Variants in EVPL observed in about 807,000 individuals in gnomAD.
EVPL encodes envoplakin, also known as 210 kDa cornified envelope precursor protein.
A neutral mutation model predicts 129.7 loss-of-function variants in EVPL; 94 were observed. That is an observed-to-expected ratio of 0.72 (90% CI 0.61 to 0.86). EVPL has a LOEUF of 0.86. EVPL is among the 40% of genes least tolerant of loss of function. The pLI is 0.00. For synonymous variants in EVPL, 1,172 were observed against 1,191.1 expected (o/e 0.98, Z 0.33); for missense variants, 2,625 against 2,721.1 (o/e 0.96, Z 0.79).
In EVPL at chr17:76,015,080, C is replaced by T. The variant is rs1430999892; in HGVS notation, c.2058G>A (p.Gln686=). ...CGCGGTGTAGCCGCAGCACGCAGGT[C>T]TGCTGTTCCAGCAGCTCCCTCCGCT... ...QRQRRELLEQ[Q]TCVLRLHRAL... The change falls in exon 17 of 22, where the codon CAG becomes CAA. Residue 686 remains glutamine (Q), a synonymous_variant. Coordinates refer to ENST00000301607, the MANE Select transcript of EVPL (RefSeq NM_001988.4). 4 of 1,578,104 alleles carry T rather than the reference C, an allele frequency of 2.5e-6. No individual in the cohort carries two copies. The highest frequency in any genetic ancestry group is 2.7e-5 in the African/African-American group (2 of 74,498).
chr17:76,026,429 G>C (rs1421774303), intron 1 of EVPL, among the ~76,000 whole-genome samples: 1 of 152,080 alleles, frequency 6.6e-6, no homozygotes, highest in Non-Finnish European at 1.5e-5. Context: ...TGTCCAGGCT[G>C]GTCTCGAGCT....
chr17:76,027,148 G>C lies in EVPL; in HGVS notation c.51C>G (p.Gly17=). 1 of 1,571,184 alleles carries C rather than the reference G, an allele frequency of 6.4e-7. No individual in the cohort carries two copies. Among genetic ancestry groups the C allele is most frequent in the Middle Eastern group, 2.3e-4 (1 of 4,318 alleles). The change falls in exon 1 of 22, where the codon GGC becomes GGG. Residue 17 remains glycine (G), a synonymous_variant. Transcript: ENST00000301607. ...KGSQGKGSPK[G]SPAKGSPKGS... ...CTTTGGGGGACCCCTTGGCGGGGGA[G>C]CCCTTGGGGGACCCCTTCCCCTGGG... is the stretch of plus-strand genomic sequence containing the variant.
chr17:76,015,152 G>C (rs766826226), intron 16 of EVPL, 43 bp from the exon 17 acceptor site: 2 of 1,560,184 alleles, frequency 1.3e-6, no homozygotes, highest in Non-Finnish European at 1.7e-6. Context: ...CGTGGCTGGG[G>C]AGACGCCGTG....
At chr17:76,019,778 C>T (rs1382223646) in intron 9 of EVPL, 125 bp from the exon 10 acceptor site, 2 of 1,216,108 alleles carry the variant, frequency 1.6e-6, no homozygotes, top group Non-Finnish European at 2.2e-6. Context: ...AAACACAAAC[C>T]AGCTAAACAC....
intron 2 of EVPL, 92 bp downstream of exon 2, chr17:76,023,929 C>A (rs2066481458): frequency 2.0e-6 from 3 of 1,477,862 alleles, no homozygotes; most frequent in East Asian, 4.9e-5. Context: ...TTCACCATCA[C>A]CAAGGGGCAC....
chr17:76,011,382 G>A (rs901921843), intron 21 of EVPL, 194 bp downstream of exon 21: 1 of 613,648 alleles, frequency 1.6e-6, no homozygotes, highest in African/African-American at 1.8e-5. Context: ...CAGCCTGTAA[G>A]AGCTGCTGGA....
Position 76,011,841 on chromosome 17 carries a change from C to G in EVPL, c.2499G>C (p.Glu833Asp), listed in dbSNP as rs1438990264. 1.2e-6 allele frequency: 2 copies of G among 1,613,162 alleles called. No individual in the cohort carries two copies. Among genetic ancestry groups the G allele is most frequent in the Admixed American group, 1.7e-5 (1 of 59,702 alleles). Residue 833 changes from glutamate to aspartate, a missense_variant, in exon 20 of 22, where the codon GAG becomes GAC. Physicochemically the swap from Glu to Asp is conservative, Grantham distance 45. Transcript: ENST00000301607. ...LQADTYRCSL[E>D]PTLAVSAPKR... ...TGGGGGCTGACACTGCCAGGGTGGG[C>G]TCCAAAGAGCAGCGGTAGGTGTCTG...
In EVPL at chr17:76,013,603, TC is replaced by T. The variant is rs1249352321; in HGVS notation, c.2373+822del. 6.6e-6 allele frequency among the ~76,000 whole-genome samples: 1 copy of T among 152,020 alleles called. No individual in the cohort carries two copies. The highest frequency in any genetic ancestry group is 1.5e-5 in the Non-Finnish European group (1 of 67,998). On this transcript the variant is annotated intron_variant, in intron 18 of 21. Transcript: ENST00000301607. The surrounding 1 kb of genome is among the most constrained non-coding windows in gnomAD (Gnocchi z 4.3). ...CGGGCCCCGTCCATCTCACTCACTG[TC>T]CCCTTCAAGCAGTCACCAAGTCCAC... is the stretch of plus-strand genomic sequence containing the variant.
rs9913955 is a variant in EVPL at position 76,023,777 on chromosome 17, G to A, written c.199-123C>T. 8.6e-4 allele frequency: 1,215 copies of A among 1,419,258 alleles called. 18 individuals carry two copies. In the African/African-American group the frequency reaches 0.015, roughly 17 times the overall value. 87.9% of individuals were successfully genotyped at this position (1,419,258 alleles called of 1,614,324 possible). A position where few individuals can be genotyped will look rare whatever the true frequency, so the allele number is the denominator to read the frequency against. On this transcript the variant is annotated intron_variant, in intron 2 of 21. Transcript: ENST00000301607. ...TATGCTAGCCAACCTTGAGGCCCAC[G>A]CCAGGCACAGGGTCAGGACCAGGGC...
Position 76,009,240 on chromosome 17 carries a change from T to C in EVPL, c.3965A>G (p.Lys1322Arg). Residue 1322 changes from lysine (K) to arginine (R), a missense_variant, in exon 22 of 22, where the codon AAG (lysine) becomes AGG (arginine). Lys to Arg is a conservative substitution (Grantham distance 26, BLOSUM62 2). Coordinates refer to ENST00000301607, the MANE Select transcript of EVPL (RefSeq NM_001988.4). This position sits in a 1 kb window ranked among gnomAD's most constrained non-coding sequence, Gnocchi z 5.9. ...TGCTTCTTTCTCCAGCACCGGGTCC[T>C]TCTCGTGGCGCACCACCTCCTTGCT... is the stretch of plus-strand genomic sequence containing the variant. ...TVSKEVVRHE[K>R]DPVLEKEAER... 1 of 1,607,866 alleles carries C rather than the reference T, an allele frequency of 6.2e-7. No homozygotes were observed. The highest frequency in any genetic ancestry group is 8.5e-7 in the Non-Finnish European group (1 of 1,179,888).
intron 18 of EVPL, among the ~76,000 whole-genome samples, chr17:76,014,022 C>T (rs908925750): frequency 1.3e-5 from 2 of 152,168 alleles, no homozygotes; most frequent in Non-Finnish European, 2.9e-5. Context: ...CCGATCCTGA[C>T]CCGCAAGTGT....
rs568339251 is a variant in EVPL, at chr17:76,013,514, G to T, written c.2373+912C>A. ...TCCCCAAATATGCTCTGTTTCCTGT[G>T]TTCCCGCCTCAAGTGGAGGTGCCCC... On this transcript the variant is annotated intron_variant, in intron 18 of 21. Transcript: ENST00000301607. The surrounding 1 kb of genome is among the most constrained non-coding windows in gnomAD (Gnocchi z 4.3). Among the ~76,000 whole-genome samples the T allele has an allele frequency of 6.6e-6, 1 of 152,082 alleles. No individual in the cohort carries two copies. The highest frequency in any genetic ancestry group is 1.5e-5 in the Non-Finnish European group (1 of 68,006).
intron 18 of EVPL, 102 bp downstream of exon 18, chr17:76,014,310 AGGGAAGGGGCCCAG>A (rs1416230340): frequency 7.3e-7 from 1 of 1,377,438 alleles, no homozygotes; most frequent in Non-Finnish European, 9.7e-7. Flanking sequence ...GCTGGAGGCC[AGGGAAGGGGCCCAG>A]GGCCTCCGTG....
intron 14 of EVPL, among the ~76,000 whole-genome samples, chr17:76,016,369 T>C (rs1325862386): frequency 6.6e-6 from 1 of 152,198 alleles, no homozygotes; most frequent in Non-Finnish European, 1.5e-5. Context: ...TATTCACTCA[T>C]CTGCCTGGTC....
At chr17:76,018,075 G>A (rs886727748) in intron 13 of EVPL, 86 bp downstream of exon 13, 6 of 1,534,558 alleles carry the variant, frequency 3.9e-6, no homozygotes, top group East Asian at 2.5e-5. Flanking sequence ...AACCCAAGGC[G>A]ACCCCTGCCC....
chr17:76,016,103 C>G (rs1567912289), intron 14 of EVPL, among the ~76,000 whole-genome samples: 2 of 152,170 alleles, frequency 1.3e-5, no homozygotes, highest in Admixed American at 6.5e-5. Context: ...TGAGATCACA[C>G]CGCTGCACTC....
In EVPL at chr17:76,013,943, C is replaced by T. The variant is rs2066397474; in HGVS notation, c.2373+483G>A. ...CGCCCCTGAGTCCCCCTCCTTTCCC[C>T]TGACTGCCATGCCTTCTGCATGGGA... is the stretch of plus-strand genomic sequence containing the variant. On this transcript the variant is annotated intron_variant, in intron 18 of 21. Coordinates refer to ENST00000301607, the MANE Select transcript of EVPL (RefSeq NM_001988.4). This position sits in a 1 kb window ranked among gnomAD's most constrained non-coding sequence, Gnocchi z 4.3. Among the ~76,000 whole-genome samples, 1 of 152,104 alleles carries T rather than the reference C, an allele frequency of 6.6e-6. No individual in the cohort carries two copies. Among genetic ancestry groups the T allele is most frequent in the Admixed American group, 6.5e-5 (1 of 15,274 alleles).
rs773412350 is a variant in EVPL, at chr17:76,010,425, C to G, written c.2780G>C (p.Arg927Pro). 10 of 1,613,946 alleles carry G rather than the reference C, an allele frequency of 6.2e-6. No individual in the cohort carries two copies. Among genetic ancestry groups the G allele is most frequent in the Non-Finnish European group, 8.5e-6 (10 of 1,179,982 alleles). The change falls in exon 22 of 22, where the codon CGG (arginine) becomes CCG (proline). Residue 927 changes from arginine (R) to proline (P), a missense_variant. Around this residue, in one of 4 missense-constraint regions of EVPL, gnomAD observed 1,453 missense variants for 1,511.8 expected, o/e 0.96. Transcript: ENST00000301607. Reference sequence around the variant, plus strand: ...CAGCTCATGCTGCACCCGGGCCACCCGCTTCCTCTCCTCTTCCAGCTGGGC... The same window carrying G: ...CAGCTCATGCTGCACCCGGGCCACCGGCTTCCTCTCCTCTTCCAGCTGGGC... ...LKAQLEEERK[R>P]VARVQHELEA... is the part of the protein sequence containing the mutation.
Position 76,008,311 on chromosome 17 carries a change from C to T in EVPL, c.4894G>A (p.Ala1632Thr), listed in dbSNP as rs777511755. The change falls in exon 22 of 22, where the codon GCC (alanine) becomes ACC (threonine). Residue 1632 changes from alanine to threonine, a missense_variant. Ala to Thr is a moderately conservative substitution (Grantham distance 58). Coordinates refer to ENST00000301607, the MANE Select transcript of EVPL (RefSeq NM_001988.4). This position sits in a 1 kb window ranked among gnomAD's most constrained non-coding sequence, Gnocchi z 7.4. The stretch of plus-strand genomic sequence containing the variant: ...CGCGAGAGCTCCTGGCCCCGCTGGG[C>T]CGCCTTCTGTCGCTCGCTCTCCGTC... The part of the protein sequence containing the change: ...QKTESERQKA[A>T]QRGQELSRLE... The T allele has an allele frequency of 2.5e-6, 4 of 1,608,800 alleles. No individual in the cohort carries two copies. In the South Asian group the frequency reaches 3.3e-5, roughly 13 times the overall value.
Sources: allele counts gnomAD v4.1 joint callset (sites outside exome capture counted in the v4.1 genomes callset), GRCh38; gene constraint gnomAD v4.1.1; regional missense constraint gnomAD v4.1.1; non-coding constraint Gnocchi (gnomAD v3.1); transcripts MANE v1.5; gene names NCBI Gene and HGNC (gene_info 2026-07-23, HGNC 2026-07-21).